The following PCSK5 variants were observed in gnomAD, a reference collection of about 807,000 sequenced individuals.
PCSK5 encodes prohormone convertase 5.
In PCSK5, 129 loss-of-function variants were observed where a neutral mutation model predicts 233.2. The observed-to-expected ratio is 0.55, with a 90% CI of 0.48 to 0.64. PCSK5 has a LOEUF of 0.64. Among genes scored for constraint, PCSK5 ranks in the 30% least tolerant of loss-of-function variants. PCSK5 has a pLI of 0.00. For missense variants in PCSK5, 2,076 were observed against 2,430.1 expected (o/e 0.85, Z 3.06); for synonymous variants, 825 against 879.2 (o/e 0.94, Z 1.09).
At chr9:76,272,475 G>T (rs535237063) in intron 24 of PCSK5, among the ~76,000 whole-genome samples, 21 of 152,032 alleles carry the variant, frequency 1.4e-4, no homozygotes, top group African/African-American at 4.8e-4. Context: ...CATGGCCGTG[G>T]ATAAAGTTCA....
chr9:76,274,397 G>A (rs1206918310), intron 24 of PCSK5, among the ~76,000 whole-genome samples: 1 of 151,950 alleles, frequency 6.6e-6, no homozygotes, highest in Non-Finnish European at 1.5e-5. Context: ...AAGATCTGTA[G>A]TCTCTGTGGG....
intron 1 of PCSK5, among the ~76,000 whole-genome samples, chr9:75,902,128 A>C (rs1310853044): frequency 6.8e-6 from 1 of 147,816 alleles, no homozygotes; most frequent in Non-Finnish European, 1.5e-5. Flanking sequence ...AGGCAGGAGA[A>C]TCGCTTGAAC....
chr9:76,238,148 A>C (rs1033241755), intron 22 of PCSK5, among the ~76,000 whole-genome samples: 5 of 151,736 alleles, frequency 3.3e-5, no homozygotes, highest in Admixed American at 1.3e-4. Flanking sequence ...CAGCACAAAA[A>C]CTCCGGGAGG....
chr9:76,311,087 G>A (rs1015165136), intron 30 of PCSK5, among the ~76,000 whole-genome samples: 2 of 152,120 alleles, frequency 1.3e-5, no homozygotes, highest in Non-Finnish European at 2.9e-5. Flanking sequence ...TGAAAAATAT[G>A]TTCAGGGGCT....
At chr9:76,178,887 C>T (rs546277375) in intron 14 of PCSK5, among the ~76,000 whole-genome samples, 19 of 152,110 alleles carry the variant, frequency 1.2e-4, no homozygotes, top group African/African-American at 4.6e-4. Context: ...TTTTTTCTTA[C>T]TGTTCATTAT....
intron 7 of PCSK5, among the ~76,000 whole-genome samples, chr9:76,075,404 G>T (rs555029815): frequency 6.6e-6 from 1 of 151,898 alleles, no homozygotes; most frequent in Non-Finnish European, 1.5e-5. Flanking sequence ...CTAGTTATCC[G>T]TGTTTGTAGT....
intron 1 of PCSK5, among the ~76,000 whole-genome samples, chr9:75,916,150 G>A (rs1236620646): frequency 6.6e-6 from 1 of 152,128 alleles, no homozygotes; most frequent in Non-Finnish European, 1.5e-5. Context: ...AAGTTAATCA[G>A]GTCAGGGTTT....
At chr9:76,298,534 C>G (rs753686739) in intron 27 of PCSK5, among the ~76,000 whole-genome samples, 4 of 152,142 alleles carry the variant, frequency 2.6e-5, no homozygotes, top group Non-Finnish European at 5.9e-5. Flanking sequence ...AGCTGTAGCT[C>G]AGCTTCCCCC....
chr9:75,923,982 T>G (rs1233060920), intron 1 of PCSK5, among the ~76,000 whole-genome samples: 1 of 152,168 alleles, frequency 6.6e-6, no homozygotes, highest in East Asian at 1.9e-4. Flanking sequence ...CTGCTTCCTC[T>G]TTTCTTTATA....
At chr9:76,023,716 C>T in intron 3 of PCSK5, 22 bp from the exon 4 acceptor site, 2 of 1,577,866 alleles carry the variant, frequency 1.3e-6, no homozygotes, top group South Asian at 2.4e-5. Context: ...AGTAATCTTG[C>T]AGCATGCTCT....
chr9:76,067,818 A>G (rs541591302), intron 5 of PCSK5, 137 bp from the exon 6 acceptor site: 104 of 670,246 alleles, frequency 1.6e-4, no homozygotes, highest in African/African-American at 1.5e-3. Context: ...TGGACAGACA[A>G]AGTGCTACTT....
Position 76,296,704 on chromosome 9 carries a change from G to A in PCSK5, c.3362G>A (p.Gly1121Asp), listed in dbSNP as rs775702078. The A allele has an allele frequency of 1.9e-6, 3 of 1,612,622 alleles. No individual in the cohort carries two copies. The highest frequency in any genetic ancestry group is 2.2e-5 in the East Asian group (1 of 44,872). Residue 1121 changes from glycine to aspartate, a missense_variant, in exon 27 of 38, where the codon GGT becomes GAT. Coordinates refer to ENST00000674117, the MANE Select transcript of PCSK5 (RefSeq NM_001372043.1). ...AGGAAATGTGGTCCTGGATTCTATG[G>A]TGACCAAGAAATGGGAGAATGTGAG... ...CVRKCGPGFY[G>D]DQEMGECESC...
chr9:75,943,056 T>C (rs1481227406), intron 2 of PCSK5, among the ~76,000 whole-genome samples: 1 of 151,998 alleles, frequency 6.6e-6, no homozygotes, highest in Non-Finnish European at 1.5e-5. Context: ...GGCTAATTTT[T>C]GTATTTTTAG....
intron 34 of PCSK5, among the ~76,000 whole-genome samples, chr9:76,336,404 G>A (rs1049231160): frequency 6.6e-6 from 1 of 152,206 alleles, no homozygotes; most frequent in African/African-American, 2.4e-5. Context: ...TGGTGCTGAT[G>A]TCTAGAAATA....
At chr9:76,344,941 C>T (rs182280511) in intron 35 of PCSK5, among the ~76,000 whole-genome samples, 53 of 152,150 alleles carry the variant, frequency 3.5e-4, no homozygotes, top group Non-Finnish European at 6.6e-4. Flanking sequence ...ATAAATGATT[C>T]GTGATATTGT....
At chr9:76,243,610 A>G (rs1587797297) in intron 24 of PCSK5, among the ~76,000 whole-genome samples, 1 of 152,258 alleles carries the variant, frequency 6.6e-6, no homozygotes, top group East Asian at 1.9e-4. Flanking sequence ...TCCCTTTTCT[A>G]GTTTCCCTTT....
At chr9:75,994,566 A>G (rs7021713) in intron 3 of PCSK5, among the ~76,000 whole-genome samples, 144,677 of 151,844 alleles carry the variant, frequency 0.95, 68,937 homozygotes, top group East Asian at 1. Flanking sequence ...GGGACTACAG[A>G]TGCCTGCCAC....
intron 1 of PCSK5, among the ~76,000 whole-genome samples, chr9:75,928,635 AT>A (rs1488217514): frequency 4.4e-4 from 59 of 134,902 alleles, no homozygotes; most frequent in African/African-American, 1.5e-3. Flanking sequence ...ATATATATAT[AT>A]ATAATCCTAG....
At chr9:76,288,098 G>A (rs2453462) in intron 24 of PCSK5, 31,898 of 152,192 alleles carry the variant, frequency 0.21, 3,468 homozygotes, top group Middle Eastern at 0.27. Flanking sequence ...GGGGTCTTGA[G>A]GTAGTGGTAG....
Sources: gnomAD v4.1 joint callset for allele counts (sites outside exome capture counted in the v4.1 genomes callset) on GRCh38, gnomAD v4.1.1 for gene constraint, MANE v1.5 for transcripts, NCBI Gene and HGNC (gene_info 2026-07-23, HGNC 2026-07-21) for gene names.